Variants in TRIM66 observed in about 807,000 individuals in gnomAD.
TRIM66 encodes tripartite motif-containing protein 66.
Under a neutral mutation model 148.2 loss-of-function variants are expected in TRIM66, and 99 were observed. That is an observed-to-expected ratio of 0.67 (90% CI 0.57 to 0.79). TRIM66 has a LOEUF of 0.79. TRIM66 is among the 30% of genes least tolerant of loss of function. The pLI, the probability that TRIM66 is intolerant of heterozygous loss-of-function variation, is 0.00. For missense variants in TRIM66, 1,666 were observed against 1,697.9 expected (o/e 0.98, Z 0.33); for synonymous variants, 616 against 635.9 (o/e 0.97, Z 0.47).
intron 15 of TRIM66, among the ~76,000 whole-genome samples, chr11:8,625,934 T>C (rs1461858708): frequency 6.6e-6 from 1 of 152,222 alleles, no homozygotes; most frequent in Non-Finnish European, 1.5e-5. Flanking sequence ...CTGGCCCTAG[T>C]ATACCTGCCA....
intron 6 of TRIM66, among the ~76,000 whole-genome samples, chr11:8,662,726 T>A (rs1329033718): frequency 2.0e-5 from 3 of 152,240 alleles, no homozygotes; most frequent in African/African-American, 7.2e-5. Context: ...AGCCATGATT[T>A]GTCTTTTAAT....
chr11:8,666,928 G>A (rs2038637973), intron 6 of TRIM66, among the ~76,000 whole-genome samples: 1 of 152,100 alleles, frequency 6.6e-6, no homozygotes, highest in African/African-American at 2.4e-5. Context: ...TCCTGCCTGA[G>A]CCTCCCGAGT....
chr11:8,624,939 G>C lies in TRIM66; in HGVS notation c.2600C>G (p.Pro867Arg), dbSNP rs940164501. Reference protein sequence around the residue: ...QSMPNLISDSPQAMASLASDH... With the variant: ...QSMPNLISDSRQAMASLASDH... Reference sequence around the variant, plus strand: ...ACTTGCCAGGCTTGCCATAGCCTGAGGGGAGTCACTTATCAGGTTGGGCAT... The same window carrying C: ...ACTTGCCAGGCTTGCCATAGCCTGACGGGAGTCACTTATCAGGTTGGGCAT... The change falls in exon 16 of 25, where the codon CCT (proline) becomes CGT (arginine). Residue 867 changes from proline to arginine, a missense_variant. Pro to Arg is a moderately radical substitution (Grantham distance 103, BLOSUM62 -2). Around this residue, in one of 3 missense-constraint regions of TRIM66, gnomAD observed 1,431 missense variants for 1,412.4 expected, o/e 1.01. Coordinates refer to ENST00000646038, the MANE Select transcript of TRIM66 (RefSeq NM_001388022.1). 6 of 1,551,670 alleles carry C rather than the reference G, an allele frequency of 3.9e-6. No individual in the cohort carries two copies. Among genetic ancestry groups the C allele is most frequent in the Non-Finnish European group, 5.2e-6 (6 of 1,146,964 alleles).
Position 8,616,723 on chromosome 11 carries a change from T to A in TRIM66, c.*1221A>T, listed in dbSNP as rs2033744557. 6.6e-6 allele frequency: 1 copy of A among 152,294 alleles called. No homozygotes were observed. The highest frequency in any genetic ancestry group is 6.5e-5 in the Admixed American group (1 of 15,274). 9.4% of individuals were successfully genotyped at this position (152,294 alleles called of 1,614,324 possible). On this transcript the variant is annotated 3_prime_UTR_variant, in exon 25 of 25. Transcript: ENST00000646038. ...GACACTGGCTTTTTGCCTCTTGATT[T>A]TTCCCCCTGTCCACCTTAGACAAAC... is the stretch of plus-strand genomic sequence containing the variant.
intron 18 of TRIM66, among the ~76,000 whole-genome samples, chr11:8,622,082 G>T (rs2034281343): frequency 6.6e-6 from 1 of 151,690 alleles, no homozygotes; most frequent in Non-Finnish European, 1.5e-5. Context: ...TATAAAGCAG[G>T]CAGGAAAACA....
At position 8,638,607 on chromosome 11, in the gene TRIM66, C is replaced by T. The variant is rs192675506; in HGVS notation, c.2310+47G>A. ...CTCCTCCAAGTGCCTGGGGTCTTGG[C>T]TGGCAGTGGGTCCCATGTAGTTAGG... On this transcript the variant is annotated intron_variant, in intron 15 of 24. Transcript: ENST00000646038. The T allele has an allele frequency of 3.3e-6, 5 of 1,530,948 alleles. No individual in the cohort carries two copies. In the East Asian group the frequency reaches 1.2e-4, roughly 38 times the overall value. The allele number at this position is 1,530,948 out of a possible 1,614,324, so 94.8% of individuals were successfully genotyped here.
intron 8 of TRIM66, 114 bp downstream of exon 8, chr11:8,649,626 T>C: frequency 1.4e-6 from 2 of 1,390,120 alleles, no homozygotes; most frequent in Admixed American, 2.3e-5. Context: ...TCTGAGACTG[T>C]CCCTACCTTC....
chr11:8,654,625 G>A (rs961836406), intron 6 of TRIM66: 2 of 152,200 alleles, frequency 1.3e-5, no homozygotes, highest in African/African-American at 4.8e-5. Flanking sequence ...ATATTACCTG[G>A]TTTTTAGCAG....
intron 15 of TRIM66, among the ~76,000 whole-genome samples, chr11:8,635,267 A>G (rs2035776417): frequency 6.6e-6 from 1 of 152,164 alleles, no homozygotes; most frequent in Non-Finnish European, 1.5e-5. Flanking sequence ...CACATCTTTC[A>G]AAGGGGAATA....
chr11:8,675,642 A>C (rs188678720), intron 3 of TRIM66, among the ~76,000 whole-genome samples: 32 of 152,318 alleles, frequency 2.1e-4, no homozygotes, highest in Non-Finnish European at 3.8e-4. Flanking sequence ...TTGGCCTCCC[A>C]AAGTGCTGGG....
chr11:8,674,623 GCGATC>G (rs2039091050), intron 4 of TRIM66, among the ~76,000 whole-genome samples, 178 bp downstream of exon 4: 1 of 152,006 alleles, frequency 6.6e-6, no homozygotes, highest in Non-Finnish European at 1.5e-5. Flanking sequence ...CTGGACTCAA[GCGATC>G]CTCCATTTTG....
At position 8,640,812 on chromosome 11, in the gene TRIM66, G is replaced by A. The variant is rs769609085; in HGVS notation, c.1563C>T (p.Ser521=). Residue 521 remains serine (S), a synonymous_variant, in exon 14 of 25, where the codon AGC becomes AGT. Transcript: ENST00000646038. ...LLPREKELAC[S]PHPPKLLQPW... The stretch of plus-strand genomic sequence containing the variant: ...GCTGCAGCAGCTTTGGTGGATGAGG[G>A]CTGCAGGCCAGCTCTTTCTCCCTGG... The A allele has an allele frequency of 6.4e-7, 1 of 1,550,804 alleles. No homozygotes were observed. Among genetic ancestry groups the A allele is most frequent in the South Asian group, 1.2e-5 (1 of 84,034 alleles).
At chr11:8,683,104 G>A, upstream of TRIM66, 1 of 1,288,698 alleles carries the variant, frequency 7.8e-7, no homozygotes, top group Non-Finnish European at 1.1e-6. Context: ...CCAGAAGTTA[G>A]GTCTTTGACC....
At chr11:8,626,225 C>T (rs568276248) in intron 15 of TRIM66, among the ~76,000 whole-genome samples, 1 of 152,116 alleles carries the variant, frequency 6.6e-6, no homozygotes, top group African/African-American at 2.4e-5. Context: ...TATCCCTGCC[C>T]TTTAAAAAAA....
rs573802378 is a variant in TRIM66 at position 8,630,049 on chromosome 11, T to C, written c.2311-4821A>G. ...TGTAAAATATTAAAACAAAAGGTAC[T>C]TATTTCATGTACAAAAAGAAAAAGA... On this transcript the variant is annotated intron_variant, in intron 15 of 24. Coordinates refer to ENST00000646038, the MANE Select transcript of TRIM66 (RefSeq NM_001388022.1). Among the ~76,000 whole-genome samples, 3 of 152,356 alleles carry C rather than the reference T, an allele frequency of 2.0e-5. No individual in the cohort carries two copies. In the South Asian group the frequency reaches 6.2e-4, roughly 32 times the overall value.
At position 8,672,342 on chromosome 11, in the gene TRIM66, G is replaced by T. The variant is rs2038978312; in HGVS notation, c.-68C>A. 4.6e-6 allele frequency: 7 copies of T among 1,535,724 alleles called. No homozygotes were observed. Among genetic ancestry groups the T allele is most frequent in the Non-Finnish European group, 6.1e-6 (7 of 1,146,710 alleles). On this transcript the variant is annotated 5_prime_UTR_variant, in exon 5 of 25. Coordinates refer to ENST00000646038, the MANE Select transcript of TRIM66 (RefSeq NM_001388022.1). ...CTGAAGGCGAACAAACCCTTCAAAAGTGTCCCGTACCTGTGCCTCTCCTTA... is the reference window on the plus strand; with the variant it reads ...CTGAAGGCGAACAAACCCTTCAAAATTGTCCCGTACCTGTGCCTCTCCTTA...
intron 1 of TRIM66, 121 bp from the exon 2 acceptor site, chr11:8,680,184 T>TG (rs1364919840): frequency 6.6e-6 from 1 of 152,248 alleles, no homozygotes; most frequent in Non-Finnish European, 1.5e-5. Context: ...AAAATGCAAA[T>TG]GGGATATACC....
chr11:8,620,109 C>A lies in TRIM66; in HGVS notation c.3688G>T (p.Val1230Leu), dbSNP rs1243900838. Reference sequence around the variant, plus strand: ...AGGTTATTGCAGCACAAGGACAATACCAGCTTCTCACACTTCTGCAAAATC... The same window carrying A: ...AGGTTATTGCAGCACAAGGACAATAACAGCTTCTCACACTTCTGCAAAATC... ...MYDQKKCEKL[V>L]LSLCCNNLSL... Residue 1230 changes from valine (V) to leucine (L), a missense_variant, in exon 22 of 25, where the codon GTA becomes TTA. Val to Leu is a conservative substitution (Grantham distance 32, BLOSUM62 1). Around this residue, in one of 3 missense-constraint regions of TRIM66, gnomAD observed 204 missense variants for 231.0 expected, o/e 0.88. Transcript: ENST00000646038. 5 of 1,551,576 alleles carry A rather than the reference C, an allele frequency of 3.2e-6. No individual in the cohort carries two copies. In the Admixed American group the frequency reaches 9.8e-5, roughly 30 times the overall value.
chr11:8,648,166 G>T, intron 9 of TRIM66, 80 bp from the exon 10 acceptor site: 1 of 1,311,442 alleles, frequency 7.6e-7, no homozygotes, highest in Non-Finnish European at 1.1e-6. Flanking sequence ...ATCTCCACAG[G>T]GAACTGTCTC....
Sources: allele counts gnomAD v4.1 joint callset (sites outside exome capture counted in the v4.1 genomes callset), GRCh38; gene constraint gnomAD v4.1.1; regional missense constraint gnomAD v4.1.1; transcripts MANE v1.5; gene names NCBI Gene and HGNC (gene_info 2026-07-23, HGNC 2026-07-21).